EYS: variants seen among roughly 807,000 people sequenced by gnomAD.
The protein encoded by EYS is protein eyes shut homolog.
A neutral mutation model predicts 282.1 loss-of-function variants in EYS; 250 were observed. That is an observed-to-expected ratio of 0.89 (90% confidence interval 0.80 to 0.98). The LOEUF (loss-of-function observed/expected upper bound fraction) is 0.98, where lower values mean the gene tolerates loss of function less well. Among genes scored for constraint, EYS ranks in the 50% least tolerant of loss-of-function variants. The pLI is 0.00. For synonymous variants in EYS, 1,355 were observed against 1,282.9 expected (o/e 1.06, Z -1.20); for missense variants, 4,016 against 3,709.0 (o/e 1.08, Z -2.15).
intron 22 of EYS, among the ~76,000 whole-genome samples, chr6:64,712,530 C>T (rs1380639542): frequency 6.6e-6 from 1 of 152,088 alleles, no homozygotes; most frequent in Non-Finnish European, 1.5e-5. Context: ...ATGTTAAAGG[C>T]CAGAATTAAG....
chr6:65,452,248 C>A (rs1296894116), intron 5 of EYS, among the ~76,000 whole-genome samples: 2 of 151,408 alleles, frequency 1.3e-5, no homozygotes, highest in Non-Finnish European at 3.0e-5. Flanking sequence ...ATATTTTTAT[C>A]ATTTTTATAG....
At chr6:65,534,985 G>C (rs80286539) in intron 2 of EYS, among the ~76,000 whole-genome samples, 6,016 of 152,168 alleles carry the variant, frequency 0.04, 304 homozygotes, top group African/African-American at 0.12. Context: ...ACTGATGAGA[G>C]ACAGTCTGGA....
intron 36 of EYS, among the ~76,000 whole-genome samples, chr6:63,859,397 C>A (rs528784194): frequency 6.6e-6 from 1 of 151,990 alleles, no homozygotes; most frequent in South Asian, 2.1e-4. Context: ...TTAACCCAGG[C>A]AGATTGATTC....
At chr6:63,984,039 T>TAA (rs1257951304) in intron 35 of EYS, among the ~76,000 whole-genome samples, 1 of 151,510 alleles carries the variant, frequency 6.6e-6, no homozygotes, top group East Asian at 1.9e-4. Context: ...TTAATAAATA[T>TAA]ATCAAAACCA....
intron 12 of EYS, among the ~76,000 whole-genome samples, chr6:65,077,671 T>C (rs1402543490): frequency 3.9e-5 from 6 of 152,216 alleles, no homozygotes; most frequent in Admixed American, 1.3e-4. Flanking sequence ...AGCCTTCCTT[T>C]TGATGAGATT....
intron 11 of EYS, among the ~76,000 whole-genome samples, chr6:65,310,354 T>G (rs1769123157): frequency 2.0e-5 from 3 of 151,974 alleles, no homozygotes; most frequent in Admixed American, 2.0e-4. Context: ...AATCTATCTA[T>G]CTAGCTATCT....
chr6:64,106,898 G>T (rs1317966585), intron 31 of EYS, among the ~76,000 whole-genome samples: 1 of 149,682 alleles, frequency 6.7e-6, no homozygotes, highest in African/African-American at 2.5e-5. Flanking sequence ...TCAGTTTTAG[G>T]ATTTTCTATT....
chr6:63,967,987 A>C (rs1352038697), intron 35 of EYS, among the ~76,000 whole-genome samples: 1 of 152,098 alleles, frequency 6.6e-6, no homozygotes, highest in African/African-American at 2.4e-5. Context: ...ATCACTCAAC[A>C]GTGTTTGATA....
intron 11 of EYS, among the ~76,000 whole-genome samples, chr6:65,299,656 A>T (rs1768762168): frequency 1.3e-5 from 2 of 152,204 alleles, no homozygotes; most frequent in Admixed American, 1.3e-4. Context: ...GAATAACTAT[A>T]GTGTCTTCTG....
intron 35 of EYS, among the ~76,000 whole-genome samples, chr6:63,877,161 C>T (rs4472330): frequency 0.37 from 55,617 of 151,924 alleles, 10,640 homozygotes; most frequent in South Asian, 0.47. Context: ...TAGGGCAGGC[C>T]TGGTGGTGAC....
intron 33 of EYS, among the ~76,000 whole-genome samples, chr6:64,057,265 A>T (rs1241074814): frequency 6.6e-6 from 1 of 152,172 alleles, no homozygotes; most frequent in African/African-American, 2.4e-5. Flanking sequence ...GTTAAATTGT[A>T]AAACAATTTA....
At chr6:64,407,252 A>G (rs1773745962) in intron 28 of EYS, among the ~76,000 whole-genome samples, 1 of 151,520 alleles carries the variant, frequency 6.6e-6, no homozygotes, top group Non-Finnish European at 1.5e-5. Flanking sequence ...TAAAAATGAG[A>G]TCACATGGAC....
Position 64,081,999 on chromosome 6 carries a change from G to T in EYS, c.6428C>A (p.Ala2143Glu). 2 of 1,533,168 alleles carry T rather than the reference G, an allele frequency of 1.3e-6. No individual in the cohort carries two copies. The highest frequency in any genetic ancestry group is 2.5e-5 in the East Asian group (1 of 40,586). 95.0% of individuals were successfully genotyped at this position (1,533,168 alleles called of 1,614,324 possible). The change falls in exon 32 of 43, where the codon GCA becomes GAA. Residue 2143 changes from alanine to glutamate, a missense_variant. Transcript: ENST00000503581. The part of the protein sequence containing the change: ...HFTGRFCEKD[A>E]GLFFPSFNGN... Reference sequence around the variant, plus strand: ...ATTGAAAGATGGAAAGAATAAACCTGCATCTAAAAAAGAAAATGGTATTAA... The same window carrying T: ...ATTGAAAGATGGAAAGAATAAACCTTCATCTAAAAAAGAAAATGGTATTAA...
At chr6:64,660,195 G>A (rs1332636957) in intron 22 of EYS, among the ~76,000 whole-genome samples, 1 of 152,138 alleles carries the variant, frequency 6.6e-6, no homozygotes, top group Non-Finnish European at 1.5e-5. Context: ...AACACTTCAT[G>A]CTAAAAACTC....
At chr6:63,817,794 G>A (rs151015706) in intron 36 of EYS, among the ~76,000 whole-genome samples, 6 of 152,302 alleles carry the variant, frequency 3.9e-5, no homozygotes, top group South Asian at 4.1e-4. Context: ...CTTGCTTGCC[G>A]CCTGCCCTGC....
chr6:65,185,741 G>A (rs981692691), intron 12 of EYS, among the ~76,000 whole-genome samples: 7 of 151,682 alleles, frequency 4.6e-5, no homozygotes, highest in Non-Finnish European at 2.9e-5. Context: ...GTTCATCAAG[G>A]AAAAACAGTT....
At chr6:64,333,263 G>A (rs186609808) in intron 29 of EYS, among the ~76,000 whole-genome samples, 8 of 152,126 alleles carry the variant, frequency 5.3e-5, no homozygotes, top group East Asian at 1.9e-4. Context: ...AACTGGGGTC[G>A]GCAAACTTGT....
At chr6:63,952,249 T>A (rs1582020529) in intron 35 of EYS, among the ~76,000 whole-genome samples, 1 of 152,212 alleles carries the variant, frequency 6.6e-6, no homozygotes, top group African/African-American at 2.4e-5. Context: ...CCATGTCCTA[T>A]CTGTGTGGGA....
At position 64,310,159 on chromosome 6, in the gene EYS, G is replaced by A. The variant is rs115457356; in HGVS notation, c.6079-3077C>T. Among the ~76,000 whole-genome samples the A allele has an allele frequency of 4.6e-3, 700 of 151,884 alleles. 2 individuals carry two copies. Among genetic ancestry groups the A allele is most frequent in the Non-Finnish European group, 6.4e-3 (437 of 68,004 alleles). ...GGGTGTGTAAATTAGTCCAGCCATC[G>A]TGGATGGCAATGTAGCAATTCCTCA... On this transcript the variant is annotated intron_variant, in intron 29 of 42. Transcript: ENST00000503581.
Sources: allele counts gnomAD v4.1 joint callset (sites outside exome capture counted in the v4.1 genomes callset), GRCh38; gene constraint gnomAD v4.1.1; transcripts MANE v1.5; gene names NCBI Gene and HGNC (gene_info 2026-07-23, HGNC 2026-07-21).